Variants in MIPOL1 observed in about 807,000 individuals in gnomAD.
MIPOL1 encodes mirror-image polydactyly 1.
MIPOL1 carries 57 observed loss-of-function variants against 60.9 expected under a neutral mutation model. The ratio of observed to expected loss-of-function variants is 0.94; its 90% confidence interval spans 0.76 to 1.17. The LOEUF is 1.17. MIPOL1 is among the 50% of genes most tolerant of loss of function. The pLI, the probability that MIPOL1 is intolerant of heterozygous loss-of-function variation, is 0.00. For missense variants in MIPOL1, 551 were observed against 511.6 expected (o/e 1.08, Z -0.74); for synonymous variants, 179 against 168.8 (o/e 1.06, Z -0.47).
At chr14:37,284,914 T>C (rs1594900114) in intron 6 of MIPOL1, among the ~76,000 whole-genome samples, 1 of 152,222 alleles carries the variant, frequency 6.6e-6, no homozygotes, top group South Asian at 2.1e-4. Flanking sequence ...CATTTACATA[T>C]GTGCATGAAT....
chr14:37,507,603 A>C (rs995987246), intron 12 of MIPOL1: 1 of 152,112 alleles, frequency 6.6e-6, no homozygotes, highest in Non-Finnish European at 1.5e-5. Flanking sequence ...GGGACCTCTC[A>C]GGGACTGGGG....
Position 37,548,508 on chromosome 14 carries a change from A to T in MIPOL1, c.*1537A>T, listed in dbSNP as rs1225001214. On this transcript the variant is annotated 3_prime_UTR_variant, in exon 13 of 13. Coordinates refer to ENST00000684589, the MANE Select transcript of MIPOL1 (RefSeq NM_001388067.1). ...CCTAAAGAGAATTATATCCTCTCAT[A>T]GACCAATGACTCTATAATAGAGAAA... 1 of 152,044 alleles carries T rather than the reference A, an allele frequency of 6.6e-6. No individual in the cohort carries two copies. The highest frequency in any genetic ancestry group is 1.5e-5 in the Non-Finnish European group (1 of 67,882). The allele number at this position is 152,044 out of a possible 1,614,324, so 9.4% of individuals were successfully genotyped here. A position where few individuals can be genotyped will look rare whatever the true frequency, so the allele number is the denominator to read the frequency against.
chr14:37,398,101 G>T (rs1032968602), intron 10 of MIPOL1, among the ~76,000 whole-genome samples: 10 of 152,052 alleles, frequency 6.6e-5, no homozygotes, highest in African/African-American at 2.4e-4. Context: ...GTGGTGCCAG[G>T]CAGGAATGGC....
In MIPOL1 at chr14:37,548,445, A is replaced by C. The variant is rs868506726; in HGVS notation, c.*1474A>C. On this transcript the variant is annotated 3_prime_UTR_variant, in exon 13 of 13. Transcript: ENST00000684589. ...TGAGAATTAGAAAATAAGGGACAACAGGGGTTAAAAATAAACTGATTTAAT... is the reference window on the plus strand; with the variant it reads ...TGAGAATTAGAAAATAAGGGACAACCGGGGTTAAAAATAAACTGATTTAAT... The C allele has an allele frequency of 6.6e-6, 1 of 152,024 alleles. No homozygotes were observed. Among genetic ancestry groups the C allele is most frequent in the Admixed American group, 6.6e-5 (1 of 15,266 alleles). 9.4% of individuals were successfully genotyped at this position (152,024 alleles called of 1,614,324 possible). A position where few individuals can be genotyped will look rare whatever the true frequency, so the allele number is the denominator to read the frequency against.
chr14:37,449,725 T>G (rs1220235076), intron 11 of MIPOL1, among the ~76,000 whole-genome samples: 2 of 152,178 alleles, frequency 1.3e-5, no homozygotes, highest in Non-Finnish European at 2.9e-5. Flanking sequence ...GGCTTCTTTC[T>G]TACTTGAGCC....
intron 9 of MIPOL1, among the ~76,000 whole-genome samples, chr14:37,368,913 C>T (rs907913315): frequency 1.3e-5 from 2 of 151,946 alleles, no homozygotes; most frequent in Admixed American, 6.6e-5. Flanking sequence ...GGTCATTTCA[C>T]ATATCTGTTA....
intron 12 of MIPOL1, among the ~76,000 whole-genome samples, chr14:37,534,776 G>C (rs2095498414): frequency 6.6e-6 from 1 of 152,122 alleles, no homozygotes; most frequent in African/African-American, 2.4e-5. Flanking sequence ...ATTATCTTCT[G>C]TTACGTACTT....
intron 10 of MIPOL1, among the ~76,000 whole-genome samples, chr14:37,405,390 T>C (rs1249617918): frequency 6.6e-6 from 1 of 152,118 alleles, no homozygotes; most frequent in Non-Finnish European, 1.5e-5. Flanking sequence ...CTTCCTTTGG[T>C]TAAAAACCAT....
At chr14:37,363,579 A>G (rs1486461417) in intron 9 of MIPOL1, among the ~76,000 whole-genome samples, 2 of 152,162 alleles carry the variant, frequency 1.3e-5, no homozygotes, top group African/African-American at 2.4e-5. Context: ...GTTAGGCTAC[A>G]TGATTGTCAG....
intron 7 of MIPOL1, among the ~76,000 whole-genome samples, chr14:37,303,760 C>A (rs2086541056): frequency 6.6e-6 from 1 of 151,698 alleles, no homozygotes; most frequent in African/African-American, 2.4e-5. Flanking sequence ...TTGCTGGGGA[C>A]ACAGCATTAT....
chr14:37,225,368 T>C (rs1402877986), intron 1 of MIPOL1, among the ~76,000 whole-genome samples: 1 of 152,222 alleles, frequency 6.6e-6, no homozygotes, highest in African/African-American at 2.4e-5. Context: ...CGCAAACTTC[T>C]GCCTGGACAT....
intron 7 of MIPOL1, among the ~76,000 whole-genome samples, chr14:37,305,122 T>A (rs2086672795): frequency 6.6e-6 from 1 of 151,812 alleles, no homozygotes; most frequent in South Asian, 2.1e-4. Context: ...ACCTCTTTTC[T>A]GAAAAGGCAA....
chr14:37,353,171 T>G (rs2091534439), intron 9 of MIPOL1, among the ~76,000 whole-genome samples: 1 of 146,546 alleles, frequency 6.8e-6, no homozygotes, highest in Non-Finnish European at 1.5e-5. Flanking sequence ...AATCATGTGG[T>G]TTTTGTCTTT....
intron 10 of MIPOL1, among the ~76,000 whole-genome samples, chr14:37,377,271 C>T (rs1204500180): frequency 4.6e-5 from 7 of 152,220 alleles, no homozygotes; most frequent in African/African-American, 1.4e-4. Context: ...AGCGAATCTG[C>T]AGCAGTAGGG....
intron 12 of MIPOL1, among the ~76,000 whole-genome samples, chr14:37,533,582 TAG>T (rs2095491818): frequency 6.6e-6 from 1 of 151,970 alleles, no homozygotes; most frequent in Admixed American, 6.6e-5. Context: ...ATATGGGGAG[TAG>T]GAGTAAAACA....
chr14:37,473,383 C>T (rs750696403), intron 11 of MIPOL1, among the ~76,000 whole-genome samples: 1 of 151,928 alleles, frequency 6.6e-6, no homozygotes, highest in Non-Finnish European at 1.5e-5. Context: ...TTTAAAACGA[C>T]CCCGCCTCAG....
chr14:37,235,657 A>G (rs1971345127), intron 1 of MIPOL1, among the ~76,000 whole-genome samples: 1 of 152,126 alleles, frequency 6.6e-6, no homozygotes, highest in South Asian at 2.1e-4. Context: ...TAGATTCACA[A>G]TGTTGTAGAA....
At chr14:37,232,650 T>A (rs1970815468) in intron 1 of MIPOL1, among the ~76,000 whole-genome samples, 1 of 152,238 alleles carries the variant, frequency 6.6e-6, no homozygotes, top group South Asian at 2.1e-4. Flanking sequence ...TCAGCAATAC[T>A]TGTACCTTTT....
chr14:37,541,843 T>A (rs767203362), intron 12 of MIPOL1, among the ~76,000 whole-genome samples: 1 of 152,206 alleles, frequency 6.6e-6, no homozygotes, highest in Non-Finnish European at 1.5e-5. Flanking sequence ...TATGATCCAT[T>A]CCTCAGAAGC....
Sources: allele counts gnomAD v4.1 joint callset (sites outside exome capture counted in the v4.1 genomes callset), GRCh38; gene constraint gnomAD v4.1.1; transcripts MANE v1.5; gene names NCBI Gene and HGNC (gene_info 2026-07-23, HGNC 2026-07-21).